SPTB: variants seen among roughly 807,000 people sequenced by gnomAD.
The protein encoded by SPTB is spectrin beta chain, erythrocytic.
SPTB carries 45 observed loss-of-function variants against 256.2 expected under a neutral mutation model. The ratio of observed to expected loss-of-function variants is 0.18; its 90% CI spans 0.14 to 0.23. The LOEUF is 0.23. Among genes scored for constraint, SPTB ranks in the 10% least tolerant of loss-of-function variants. The probability of loss-of-function intolerance (pLI) is 1.00; values close to 1 mark genes in which losing one functional copy is unlikely to be tolerated. For missense variants in SPTB, 2,715 were observed against 3,040.4 expected, an observed-to-expected ratio of 0.89 and a Z score of 2.52; for synonymous variants, 1,231 against 1,243.1, an observed-to-expected ratio of 0.99 and a Z score of 0.21.
chr14:64,879,340 G>A (rs1374130090), intron 1 of SPTB, among the ~76,000 whole-genome samples: 1 of 152,204 alleles, frequency 6.6e-6, no homozygotes, highest in Non-Finnish European at 1.5e-5. Context: ...CCCCAGAAGA[G>A]GGATATGAGC....
At chr14:64,865,444 C>T (rs762826398) in intron 1 of SPTB, among the ~76,000 whole-genome samples, 2 of 152,064 alleles carry the variant, frequency 1.3e-5, no homozygotes, top group Non-Finnish European at 2.9e-5. Flanking sequence ...AAGTATTGAA[C>T]CCTTGGGATC....
Position 64,786,993 on chromosome 14 carries a change from A to G in SPTB, c.2972T>C (p.Ile991Thr). 6.2e-7 allele frequency: 1 copy of G among 1,614,112 alleles called. No homozygotes were observed. The highest frequency in any genetic ancestry group is 1.1e-5 in the South Asian group (1 of 91,080). ...KDLGRDLAGI[I>T]AIQRKLSGLE... is the part of the protein sequence containing the mutation. ...CCCTGACAACTTCCTCTGGATGGCGATGATACCTGCCAGGTCCCGCCCCAG... is the reference window on the plus strand; with the variant it reads ...CCCTGACAACTTCCTCTGGATGGCGGTGATACCTGCCAGGTCCCGCCCCAG... Residue 991 changes from isoleucine to threonine, a missense_variant, in exon 16 of 36, where the codon ATC (isoleucine) becomes ACC (threonine). By Grantham distance (89) the Ile-to-Thr change is moderately conservative. Around this residue, in one of 4 missense-constraint regions of SPTB, gnomAD observed 2,239 missense variants for 2,384.4 expected, o/e 0.94. Coordinates refer to ENST00000644917, the MANE Select transcript of SPTB (RefSeq NM_001355436.2). This position sits in a 1 kb window ranked among gnomAD's most constrained non-coding sequence, Gnocchi z 5.6.
At chr14:64,851,633 T>G (rs2083788562) in intron 1 of SPTB, among the ~76,000 whole-genome samples, 1 of 152,164 alleles carries the variant, frequency 6.6e-6, no homozygotes, top group Non-Finnish European at 1.5e-5. Context: ...GATATAAACC[T>G]GCTGGATAAA....
At chr14:64,810,541 A>G (rs2083068963) in intron 2 of SPTB, among the ~76,000 whole-genome samples, 1 of 152,084 alleles carries the variant, frequency 6.6e-6, no homozygotes, top group Non-Finnish European at 1.5e-5. Context: ...TTAGCCGGGC[A>G]TGGTGTTGCG....
intron 2 of SPTB, among the ~76,000 whole-genome samples, chr14:64,820,153 C>T (rs1165150535): frequency 6.6e-6 from 1 of 152,136 alleles, no homozygotes; most frequent in African/African-American, 2.4e-5. Flanking sequence ...GGGCTGAATC[C>T]CCTCCTTGCC....
intron 2 of SPTB, among the ~76,000 whole-genome samples, chr14:64,820,610 C>T (rs1339443443): frequency 1.3e-5 from 2 of 152,200 alleles, no homozygotes; most frequent in African/African-American, 4.8e-5. Flanking sequence ...GATGCATGCT[C>T]CTGGTGAGGA....
chr14:64,879,148 T>C (rs1042030761), intron 1 of SPTB, among the ~76,000 whole-genome samples: 6 of 152,128 alleles, frequency 3.9e-5, no homozygotes, highest in Admixed American at 2.0e-4. Flanking sequence ...AGGAACTCTT[T>C]GGGAGAGGAA....
At chr14:64,855,516 T>G (rs1296920260) in intron 1 of SPTB, among the ~76,000 whole-genome samples, 2 of 102,408 alleles carry the variant, frequency 2.0e-5, no homozygotes, top group Non-Finnish European at 4.3e-5. Flanking sequence ...TTATTATTAT[T>G]ATTATTTTTA....
chr14:64,861,320 G>A (rs772974383), intron 1 of SPTB, among the ~76,000 whole-genome samples: 37 of 151,928 alleles, frequency 2.4e-4, no homozygotes, highest in Non-Finnish European at 8.8e-5. Flanking sequence ...ATTTTTTTTA[G>A]AAGAAGAAAT....
intron 2 of SPTB, among the ~76,000 whole-genome samples, chr14:64,822,467 C>T (rs748264427): frequency 1.1e-4 from 16 of 149,008 alleles, no homozygotes; most frequent in Non-Finnish European, 2.1e-4. Context: ...AAGGTTTCAT[C>T]AAGAAAATCC....
At chr14:64,751,283 C>G (rs1249364170) in intron 33 of SPTB, among the ~76,000 whole-genome samples, 1 of 151,926 alleles carries the variant, frequency 6.6e-6, no homozygotes, top group African/African-American at 2.4e-5. Flanking sequence ...CCACACCCAG[C>G]TAATTTTTGT....
chr14:64,787,040 C>T lies in SPTB; in HGVS notation c.2925G>A (p.Lys975=), dbSNP rs770606693. 8.1e-6 allele frequency: 13 copies of T among 1,614,050 alleles called. No homozygotes were observed. Among genetic ancestry groups the T allele is most frequent in the South Asian group, 1.1e-5 (1 of 91,078 alleles). ...ETSKWITDKT[K]VVESTKDLGR... ...CCAGGTCTTTTGTGGACTCCACTAC[C>T]TTTGTCTTGTCCGTGATCCACTTGC... Residue 975 remains lysine, a synonymous_variant, in exon 16 of 36, where the codon AAG becomes AAA. Transcript: ENST00000644917.
intron 1 of SPTB, among the ~76,000 whole-genome samples, chr14:64,859,830 A>T (rs930616826): frequency 6.6e-6 from 1 of 152,180 alleles, no homozygotes; most frequent in African/African-American, 2.4e-5. Flanking sequence ...GTGGATGATG[A>T]AGAACTTTCA....
intron 1 of SPTB, among the ~76,000 whole-genome samples, 173 bp downstream of exon 1, chr14:64,879,619 C>T (rs988463291): frequency 5.9e-5 from 9 of 152,324 alleles, no homozygotes; most frequent in African/African-American, 2.2e-4. Flanking sequence ...TCCCGGGCCC[C>T]GCACCCCTCC....
intron 19 of SPTB, among the ~76,000 whole-genome samples, chr14:64,783,310 T>C (rs958743548): frequency 5.3e-5 from 8 of 152,168 alleles, no homozygotes; most frequent in Non-Finnish European, 1.5e-5. Context: ...TTAAGCCCTT[T>C]TGTGTCTCAG....
chr14:64,820,065 A>G (rs933028199), intron 2 of SPTB, among the ~76,000 whole-genome samples: 2 of 152,156 alleles, frequency 1.3e-5, no homozygotes, highest in African/African-American at 4.8e-5. Context: ...CAGTTTCAGA[A>G]GAAGACGCCA....
intron 2 of SPTB, among the ~76,000 whole-genome samples, chr14:64,817,654 C>T (rs2083216025): frequency 6.6e-6 from 1 of 152,236 alleles, no homozygotes; most frequent in African/African-American, 2.4e-5. Context: ...CCTCTGGACA[C>T]AAAGCCCTCC....
At chr14:64,750,283 T>TA (rs552251818) in intron 33 of SPTB, 129 bp from the exon 34 acceptor site, 7 of 934,754 alleles carry the variant, frequency 7.5e-6, no homozygotes, top group Admixed American at 3.3e-5. Flanking sequence ...GTTTTATTGT[T>TA]AAAAAATCAT....
intron 32 of SPTB, 61 bp downstream of exon 32, chr14:64,766,665 G>T (rs768567783): frequency 1.2e-6 from 2 of 1,613,350 alleles, no homozygotes; most frequent in South Asian, 1.1e-5. Context: ...GCCTAGTAGG[G>T]GTGAGAGGGC....
Sources: allele counts gnomAD v4.1 joint callset (sites outside exome capture counted in the v4.1 genomes callset), GRCh38; gene constraint gnomAD v4.1.1; regional missense constraint gnomAD v4.1.1; non-coding constraint Gnocchi (gnomAD v3.1); transcripts MANE v1.5; gene names NCBI Gene and HGNC (gene_info 2026-07-23, HGNC 2026-07-21).